The following TLN2 variants were observed in gnomAD, a reference collection of about 807,000 sequenced individuals.
The protein encoded by TLN2 is talin 2.
Under a neutral mutation model 294.7 loss-of-function variants are expected in TLN2, and 118 were observed. The observed-to-expected ratio is 0.40, with a 90% CI of 0.34 to 0.47. TLN2 has a LOEUF of 0.47. Ranked by LOEUF, TLN2 falls within the 20% of genes least tolerant of loss-of-function variation. The probability of loss-of-function intolerance (pLI) is 0.84; values close to 1 mark genes in which losing one functional copy is unlikely to be tolerated. For missense variants in TLN2, 3,083 were observed against 3,282.2 expected (o/e 0.94, Z 1.48); for synonymous variants, 1,431 against 1,304.5 (o/e 1.10, Z -2.09).
chr15:62,809,906 C>CA lies in TLN2; in HGVS notation c.6664-18dup. 1 of 1,610,784 alleles carries CA rather than the reference C, an allele frequency of 6.2e-7. No individual in the cohort carries two copies. The highest frequency in any genetic ancestry group is 8.5e-7 in the Non-Finnish European group (1 of 1,177,292). Reference sequence around the variant, plus strand: ...GGCTTTTCCCATGTTAAGATTTCAGCATTCCTTTCTCTCTCCAGCAAGCAT... The same window carrying CA: ...GGCTTTTCCCATGTTAAGATTTCAGCAATTCCTTTCTCTCTCCAGCAAGCAT... On this transcript the variant is annotated intron_variant, in intron 51 of 58. Coordinates refer to ENST00000636159, the MANE Select transcript of TLN2 (RefSeq NM_015059.3).
chr15:62,628,958 G>C (rs773475960), intron 3 of TLN2, among the ~76,000 whole-genome samples: 36 of 152,216 alleles, frequency 2.4e-4, no homozygotes, highest in Non-Finnish European at 4.4e-4. Flanking sequence ...CAAGGTGGGA[G>C]GTACGAGGCA....
At chr15:62,803,916 G>T (rs1385420871) in intron 50 of TLN2, among the ~76,000 whole-genome samples, 1 of 152,172 alleles carries the variant, frequency 6.6e-6, no homozygotes, top group African/African-American at 2.4e-5. Context: ...GGGCTTGTTT[G>T]TGCCTGTCTT....
rs569561345 is a variant in TLN2 at position 62,601,149 on chromosome 15, T to C, written c.-162+11387T>C. On this transcript the variant is annotated intron_variant, in intron 2 of 58. Coordinates refer to ENST00000636159, the MANE Select transcript of TLN2 (RefSeq NM_015059.3). ...CAGAGATTCTCAAACAGGGATAATTTTCCTTTCCAGTCTTGGGATGTTTAG... is the reference window on the plus strand; with the variant it reads ...CAGAGATTCTCAAACAGGGATAATTCTCCTTTCCAGTCTTGGGATGTTTAG... Among the ~76,000 whole-genome samples, 5 of 152,318 alleles carry C rather than the reference T, an allele frequency of 3.3e-5. No homozygotes were observed. In the South Asian group the frequency reaches 1.0e-3, roughly 32 times the overall value.
Position 62,761,599 on chromosome 15 carries a change from T to G in TLN2, c.4639-82T>G. On this transcript the variant is annotated intron_variant, in intron 37 of 58. Transcript: ENST00000636159. ...TCAGTGTTCCGGTTGAACCACCTTC[T>G]TTCACTAAGAGGTGATTACTGTGGT... 2.5e-6 allele frequency: 4 copies of G among 1,583,500 alleles called. 1 individual carries two copies. In the South Asian group the frequency reaches 4.5e-5, roughly 18 times the overall value.
At chr15:62,518,707 C>T (rs1451025734) in intron 1 of TLN2, among the ~76,000 whole-genome samples, 1 of 152,076 alleles carries the variant, frequency 6.6e-6, no homozygotes, top group African/African-American at 2.4e-5. Flanking sequence ...AAGCAATTCT[C>T]CTACCTCAGC....
intron 14 of TLN2, 73 bp downstream of exon 14, chr15:62,694,465 C>A: frequency 7.9e-7 from 1 of 1,270,654 alleles, no homozygotes; most frequent in Non-Finnish European, 1.1e-6. Flanking sequence ...CAGCTTGGAG[C>A]CTGCTGCTCT....
chr15:62,650,616 G>T (rs938672699), intron 5 of TLN2, among the ~76,000 whole-genome samples: 1 of 152,150 alleles, frequency 6.6e-6, no homozygotes, highest in Non-Finnish European at 1.5e-5. Context: ...GTTTAATAAT[G>T]ATCAGTAGTA....
chr15:62,487,826 C>T (rs1301876688), intron 1 of TLN2, among the ~76,000 whole-genome samples: 1 of 152,060 alleles, frequency 6.6e-6, no homozygotes, highest in Non-Finnish European at 1.5e-5. Flanking sequence ...TGGCATGAAC[C>T]TGGGAGGCGG....
intron 8 of TLN2, among the ~76,000 whole-genome samples, chr15:62,657,159 G>GC (rs1272410188): frequency 1.3e-5 from 2 of 150,866 alleles, no homozygotes; most frequent in African/African-American, 4.9e-5. Flanking sequence ...AAGGTGGGGG[G>GC]GGGAAGCAAC....
At position 62,398,080 on chromosome 15, in the gene TLN2, A is replaced by G. The variant is rs532751003; in HGVS notation, c.-238+7395A>G. Among the ~76,000 whole-genome samples the G allele has an allele frequency of 2.6e-5, 4 of 152,246 alleles. No homozygotes were observed. The East Asian group carries it at 7.7e-4, about 29-fold the overall frequency. ...TGTGATATGGTTTGGCTGTGTACCC[A>G]TGCAGAATCTCATCTTGAACTGTAG... On this transcript the variant is annotated intron_variant, in intron 1 of 58. Transcript: ENST00000636159.
At chr15:62,444,737 C>T (rs952648356) in intron 1 of TLN2, among the ~76,000 whole-genome samples, 3 of 152,216 alleles carry the variant, frequency 2.0e-5, no homozygotes, top group African/African-American at 7.2e-5. Context: ...GGCAGCAAGG[C>T]AACTATTGTA....
intron 1 of TLN2, among the ~76,000 whole-genome samples, chr15:62,431,020 A>G (rs990943294): frequency 6.6e-5 from 10 of 152,008 alleles, no homozygotes; most frequent in Non-Finnish European, 1.3e-4. Context: ...AGGATCTGAG[A>G]GACTGATACC....
chr15:62,762,219 C>A, intron 38 of TLN2, 53 bp from the exon 39 acceptor site: 1 of 1,599,270 alleles, frequency 6.3e-7, no homozygotes, highest in South Asian at 1.1e-5. Flanking sequence ...GGGCCCACGT[C>A]ATTCACTCAT....
At chr15:62,829,731 G>A (rs1435473586) in intron 54 of TLN2, 1 of 152,192 alleles carries the variant, frequency 6.6e-6, no homozygotes, top group African/African-American at 2.4e-5. Context: ...GCTGTCACAT[G>A]TAGTAGGTCT....
At chr15:62,632,516 G>T (rs560901929) in intron 3 of TLN2, among the ~76,000 whole-genome samples, 41 of 152,278 alleles carry the variant, frequency 2.7e-4, no homozygotes, top group African/African-American at 9.1e-4. Flanking sequence ...GGCAAGGCAG[G>T]ACTCCTCTCT....
intron 19 of TLN2, among the ~76,000 whole-genome samples, chr15:62,706,695 C>T (rs1235879745): frequency 1.3e-5 from 2 of 152,174 alleles, no homozygotes; most frequent in Non-Finnish European, 2.9e-5. Flanking sequence ...TTATAACCTT[C>T]TTATGGCACA....
chr15:62,563,858 G>A, intron 1 of TLN2, among the ~76,000 whole-genome samples: 1 of 152,154 alleles, frequency 6.6e-6, no homozygotes, highest in East Asian at 1.9e-4. Context: ...AAAGCCCCCA[G>A]TGTGCATCAC....
rs186644786 is a variant in TLN2, at chr15:62,410,306, T to C, written c.-238+19621T>C. ...TTTTGTGTCTTTGGGTCATATATAC[T>C]CACATCATTTTATATAATGTATTCT... On this transcript the variant is annotated intron_variant, in intron 1 of 58. Transcript: ENST00000636159. Among the ~76,000 whole-genome samples, 374 of 152,248 alleles carry C rather than the reference T, an allele frequency of 2.5e-3. 3 individuals are homozygous for C. Among genetic ancestry groups the C allele is most frequent in the Admixed American group, 5.5e-3 (84 of 15,300 alleles).
chr15:62,702,692 C>T, intron 18 of TLN2, 74 bp from the exon 19 acceptor site: 1 of 1,441,686 alleles, frequency 6.9e-7, no homozygotes, highest in Admixed American at 1.7e-5. Flanking sequence ...GATTCTACTT[C>T]CTGTACTTCC....
Sources: gnomAD v4.1 joint callset for allele counts (sites outside exome capture counted in the v4.1 genomes callset) on GRCh38, gnomAD v4.1.1 for gene constraint, MANE v1.5 for transcripts, NCBI Gene and HGNC (gene_info 2026-07-23, HGNC 2026-07-21) for gene names.